TEX44: variants seen among roughly 807,000 people sequenced by gnomAD.
TEX44 encodes testis expressed 44.
For missense variants in TEX44, 487 were observed against 509.6 expected (o/e 0.96, Z 0.43); for synonymous variants, 196 against 205.9 (o/e 0.95, Z 0.41).
Position 231,593,272 on chromosome 2 carries a change from G to A in TEX44, c.321G>A (p.Ala107=), listed in dbSNP as rs149451630. ...TGTCTATGAGCCTTCAGAATCCAGC[G>A]TGGGACAGGCAGGTTCAAGACGCAA... ...LQVSMSLQNP[A]WDRQVQDART... The change falls in exon 1 of 1, where the codon GCG becomes GCA. Residue 107 remains alanine (A), a synonymous_variant. Transcript: ENST00000313965. 7,860 of 1,614,156 alleles carry A rather than the reference G, an allele frequency of 4.9e-3. 59 individuals are homozygous for A. Among genetic ancestry groups the A allele is most frequent in the South Asian group, 0.019 (1,688 of 91,080 alleles).
At position 231,593,028 on chromosome 2, in the gene TEX44, G is replaced by C. The variant is rs1421599601; in HGVS notation, c.77G>C (p.Gly26Ala). The change falls in exon 1 of 1, where the codon GGT becomes GCT. Residue 26 changes from glycine (G) to alanine (A), a missense_variant. Transcript: ENST00000313965. ...SKDSPAGEPQ[G>A]QVPLTADVLA... ...GACAGCCCAGCAGGAGAGCCCCAAG[G>C]TCAGGTCCCACTCACAGCAGATGTC... 1 of 1,613,950 alleles carries C rather than the reference G, an allele frequency of 6.2e-7. No homozygotes were observed.
chr2:231,594,126 C>A lies in TEX44; in HGVS notation c.1175C>A (p.Pro392His), dbSNP rs775980228. Residue 392 changes from proline (P) to histidine (H), a missense_variant, in exon 1 of 1, where the codon CCC (proline) becomes CAC (histidine). Physicochemically the swap from Pro to His is moderately conservative, Grantham distance 77. Coordinates refer to ENST00000313965, the MANE Select transcript of TEX44 (RefSeq NM_152614.3). ...HLTPRQAQAD[P>H]NYD is the part of the protein sequence containing the mutation. ...ACCCCACGCCAGGCCCAGGCTGACC[C>A]CAACTATGATTAGAGCCCTGCACAG... is the stretch of plus-strand genomic sequence containing the variant. 4.8e-5 allele frequency: 78 copies of A among 1,612,906 alleles called. 3 individuals are homozygous for A. The South Asian group carries it at 8.5e-4, about 17-fold the overall frequency.
chr2:231,593,676 G>A lies in TEX44; in HGVS notation c.725G>A (p.Ser242Asn). ...TTCTTCCCTCCACCTCCAGCAGGCA[G>A]TGTGTCCCCGTCGCCTGGCCCCCAC... ...TWFFPPPPAGSVSPSPGPHEV... is the reference protein window; with the variant it reads ...TWFFPPPPAGNVSPSPGPHEV... The change falls in exon 1 of 1, where the codon AGT (serine) becomes AAT (asparagine). Residue 242 changes from serine (S) to asparagine (N), a missense_variant. Transcript: ENST00000313965. The A allele has an allele frequency of 6.2e-7, 1 of 1,612,790 alleles. No homozygotes were observed. Among genetic ancestry groups the A allele is most frequent in the Non-Finnish European group, 8.5e-7 (1 of 1,180,032 alleles).
At position 231,593,161 on chromosome 2, in the gene TEX44, G is replaced by A. The variant is rs1200469287; in HGVS notation, c.210G>A (p.Lys70=). ...RAISTSGDKD[K]SAVVPEHGQK... is the part of the protein sequence containing the mutation. ...TATCAACATCTGGAGACAAAGACAA[G>A]AGTGCAGTTGTTCCAGAACACGGCC... The change falls in exon 1 of 1, where the codon AAG becomes AAA. Residue 70 remains lysine, a synonymous_variant. Transcript: ENST00000313965. 1 of 1,614,140 alleles carries A rather than the reference G, an allele frequency of 6.2e-7. No homozygotes were observed. The highest frequency in any genetic ancestry group is 8.5e-7 in the Non-Finnish European group (1 of 1,180,026).
In TEX44 at chr2:231,593,922, C is replaced by T. The variant is rs1312077929; in HGVS notation, c.971C>T (p.Ser324Leu). ...HSTVADLLHSSGPSLRSVPSL... is the reference protein window; with the variant it reads ...HSTVADLLHSLGPSLRSVPSL... ...ACTGTGGCAGACCTGCTGCACAGCT[C>T]GGGGCCCAGCTTGCGCTCGGTCCCC... Residue 324 changes from serine to leucine, a missense_variant, in exon 1 of 1, where the codon TCG becomes TTG. By Grantham distance (145) the Ser-to-Leu change is moderately radical (BLOSUM62 -2). Coordinates refer to ENST00000313965, the MANE Select transcript of TEX44 (RefSeq NM_152614.3). 13 of 1,609,554 alleles carry T rather than the reference C, an allele frequency of 8.1e-6. No individual in the cohort carries two copies. The highest frequency in any genetic ancestry group is 2.2e-5 in the East Asian group (1 of 44,872).
Position 231,593,106 on chromosome 2 carries a change from C to G in TEX44, c.155C>G (p.Ala52Gly), listed in dbSNP as rs780527148. Residue 52 changes from alanine (A) to glycine (G), a missense_variant, in exon 1 of 1, where the codon GCC (alanine) becomes GGC (glycine). Ala to Gly is a moderately conservative substitution (Grantham distance 60, BLOSUM62 0). Coordinates refer to ENST00000313965, the MANE Select transcript of TEX44 (RefSeq NM_152614.3). The stretch of plus-strand genomic sequence containing the variant: ...ACTGACTGGCAGGATATAGATCAGG[C>G]CTCCTTCAAGACGGCCACCCCCAGG... The part of the protein sequence containing the change: ...ASTDWQDIDQ[A>G]SFKTATPRAI... The G allele has an allele frequency of 6.8e-6, 11 of 1,614,010 alleles. No individual in the cohort carries two copies. In the East Asian group the frequency reaches 2.0e-4, roughly 29 times the overall value.
rs752299492 is a variant in TEX44 at position 231,593,438 on chromosome 2, G to A, written c.487G>A (p.Glu163Lys). 6.2e-7 allele frequency: 1 copy of A among 1,614,214 alleles called. No homozygotes were observed. Among genetic ancestry groups the A allele is most frequent in the Non-Finnish European group, 8.5e-7 (1 of 1,180,048 alleles). The stretch of plus-strand genomic sequence containing the variant: ...TGAGCTACAGTCCACCCAGCACATG[G>A]AGGCTCAGCCCGTCGAGAGTGATGC... ...SAELQSTQHM[E>K]AQPVESDADH... Residue 163 changes from glutamate to lysine, a missense_variant, in exon 1 of 1, where the codon GAG (glutamate) becomes AAG (lysine). Coordinates refer to ENST00000313965, the MANE Select transcript of TEX44 (RefSeq NM_152614.3).
chr2:231,593,608 G>A lies in TEX44; in HGVS notation c.657G>A (p.Met219Ile). 6.2e-7 allele frequency: 1 copy of A among 1,613,896 alleles called. No homozygotes were observed. The highest frequency in any genetic ancestry group is 8.5e-7 in the Non-Finnish European group (1 of 1,180,028). ...ALPSDESPVA[M>I]GANVVDSLGD... ...CATCTGATGAGTCCCCAGTGGCAAT[G>A]GGGGCAAATGTGGTGGACAGCTTAG... Residue 219 changes from methionine to isoleucine, a missense_variant, in exon 1 of 1, where the codon ATG becomes ATA. Transcript: ENST00000313965.
chr2:231,594,113 G>A lies in TEX44; in HGVS notation c.1162G>A (p.Ala388Thr), dbSNP rs770467479. The change falls in exon 1 of 1, where the codon GCC (alanine) becomes ACC (threonine). Residue 388 changes from alanine to threonine, a missense_variant. By Grantham distance (58) the Ala-to-Thr change is moderately conservative. Coordinates refer to ENST00000313965, the MANE Select transcript of TEX44 (RefSeq NM_152614.3). ...GACCAGCCACCTCACCCCACGCCAG[G>A]CCCAGGCTGACCCCAACTATGATTA... ...YLTSHLTPRQAQADPNYD is the reference protein window; with the variant it reads ...YLTSHLTPRQTQADPNYD 1 of 1,611,738 alleles carries A rather than the reference G, an allele frequency of 6.2e-7. No homozygotes were observed. Among genetic ancestry groups the A allele is most frequent in the South Asian group, 1.1e-5 (1 of 91,070 alleles).
Sources: allele counts gnomAD v4.1 joint callset, GRCh38; gene constraint gnomAD v4.1.1; transcripts MANE v1.5; gene names NCBI Gene and HGNC (gene_info 2026-07-23, HGNC 2026-07-21).